Variants in AMDHD2 observed in about 807,000 individuals in gnomAD.
The protein encoded by AMDHD2 is N-acetylglucosamine-6-phosphate deacetylase.
In AMDHD2, 24 loss-of-function variants were observed where a neutral mutation model predicts 41.8. That is an observed-to-expected ratio of 0.57 (90% CI 0.42 to 0.81). The LOEUF (loss-of-function observed/expected upper bound fraction) is 0.81. Ranked by LOEUF, AMDHD2 falls within the 30% of genes least tolerant of loss-of-function variation. The probability of loss-of-function intolerance (pLI) is 0.00; values close to 1 mark genes in which losing one functional copy is unlikely to be tolerated. For missense variants in AMDHD2, 540 were observed against 588.5 expected (o/e 0.92, Z 0.85); for synonymous variants, 332 against 255.5 (o/e 1.30, Z -2.85).
intron 3 of AMDHD2, 134 bp downstream of exon 3, chr16:2,521,257 G>A (rs748733480): frequency 8.8e-5 from 107 of 1,221,948 alleles, no homozygotes; most frequent in Non-Finnish European, 9.3e-5. Context: ...TTGATGACCG[G>A]ATCTGGGCCT....
rs371264281 is a variant in AMDHD2 at position 2,527,934 on chromosome 16, A to G, written c.577A>G (p.Ser193Gly). Residue 193 changes from serine to glycine, a missense_variant, in exon 5 of 11, where the codon AGC (serine) becomes GGC (glycine). Ser to Gly is a moderately conservative substitution (Grantham distance 56). Coordinates refer to ENST00000293971, the MANE Select transcript of AMDHD2 (RefSeq NM_001330449.2). The surrounding 1 kb of genome is among the most constrained non-coding windows in gnomAD (Gnocchi z 6.1). ...IVTLAPELGR[S>G]HEVIRALTAR... Reference sequence around the variant, plus strand: ...GACGCTGGCCCCAGAGTTGGGCCGTAGCCACGAAGTGATCCGGGCGCTGAC... The same window carrying G: ...GACGCTGGCCCCAGAGTTGGGCCGTGGCCACGAAGTGATCCGGGCGCTGAC... The G allele has an allele frequency of 1.3e-5, 20 of 1,599,250 alleles. No individual in the cohort carries two copies. The highest frequency in any genetic ancestry group is 1.7e-5 in the Non-Finnish European group (20 of 1,178,888).
chr16:2,526,842 A>G (rs1327123192), intron 3 of AMDHD2, among the ~76,000 whole-genome samples: 1 of 152,148 alleles, frequency 6.6e-6, no homozygotes, highest in Admixed American at 6.5e-5. Context: ...AGGCAGGAGA[A>G]TCGCTTGAAC....
intron 9 of AMDHD2, 72 bp from the exon 10 acceptor site, chr16:2,528,921 CT>C: frequency 6.7e-7 from 1 of 1,494,310 alleles, no homozygotes; most frequent in Non-Finnish European, 9.0e-7. Flanking sequence ...ACAGGGAGTG[CT>C]GGTGTGGTTG....
In AMDHD2 at chr16:2,529,436, C is replaced by G. The variant is rs745356164; in HGVS notation, c.1142-39C>G. 15 of 1,604,112 alleles carry G rather than the reference C, an allele frequency of 9.4e-6. No individual in the cohort carries two copies. The African/African-American group carries it at 2.0e-4, about 21-fold the overall frequency. The stretch of plus-strand genomic sequence containing the variant: ...GCAGCTCTGGGGTAGGTGGGCGGCC[C>G]CACTCCTGCCCCCTACTCATTGCCC... On this transcript the variant is annotated intron_variant, in intron 10 of 10. Transcript: ENST00000293971.
intron 3 of AMDHD2, among the ~76,000 whole-genome samples, chr16:2,525,605 C>T (rs1356319073): frequency 1.3e-5 from 2 of 152,036 alleles, no homozygotes; most frequent in Admixed American, 6.6e-5. Context: ...AGTGCAGTGG[C>T]GCGATCTCGG....
Position 2,529,655 on chromosome 16 carries a change from GC to G in AMDHD2, c.*95del. 2 of 1,575,722 alleles carry G rather than the reference GC, an allele frequency of 1.3e-6. No individual in the cohort carries two copies. The highest frequency in any genetic ancestry group is 2.3e-5 in the East Asian group (1 of 43,714). On this transcript the variant is annotated 3_prime_UTR_variant, in exon 11 of 11. Transcript: ENST00000293971. ...CTGGTCTCCAGGGAGTGAGTCGGGA[GC>G]CCTGCTGGATTGATGCCCAGGGCCT...
In AMDHD2 at chr16:2,528,359, G is replaced by T; in HGVS notation, c.841G>T (p.Ala281Ser). The change falls in exon 7 of 11, where the codon GCC (alanine) becomes TCC (serine). Residue 281 changes from alanine (A) to serine (S), a missense_variant. Ala to Ser is a moderately conservative substitution (Grantham distance 99, BLOSUM62 1). Coordinates refer to ENST00000293971, the MANE Select transcript of AMDHD2 (RefSeq NM_001330449.2). ...THTNPAALRI[A>S]HRAHPQGLVL... ...CACCAACCCCGCCGCCCTGCGGATC[G>T]CCCACCGTGCCCATCCCCAGGGTAA... 4 of 1,612,844 alleles carry T rather than the reference G, an allele frequency of 2.5e-6. No homozygotes were observed. The highest frequency in any genetic ancestry group is 3.4e-6 in the Non-Finnish European group (4 of 1,179,936).
rs1343142378 is a variant in AMDHD2, at chr16:2,530,709, G to A, written c.*1146G>A. The A allele has an allele frequency of 1.9e-6, 3 of 1,613,936 alleles. No homozygotes were observed. Among genetic ancestry groups the A allele is most frequent in the African/African-American group, 2.7e-5 (2 of 74,938 alleles). The stretch of plus-strand genomic sequence containing the variant: ...TAGGATGGTCTGGGCCCCACCTGTT[G>A]GAAGGGAACAGCCAGGGAAGAACCA... On this transcript the variant is annotated 3_prime_UTR_variant, in exon 11 of 11. Coordinates refer to ENST00000293971, the MANE Select transcript of AMDHD2 (RefSeq NM_001330449.2).
chr16:2,531,111 C>G lies in AMDHD2; in HGVS notation c.*1548C>G, dbSNP rs534857231. ...CCCAGAGCTGGCATGTTGGTCATCC[C>G]CACCTCAGACGGGACGCCCAGTCCA... On this transcript the variant is annotated 3_prime_UTR_variant, in exon 11 of 11. Coordinates refer to ENST00000293971, the MANE Select transcript of AMDHD2 (RefSeq NM_001330449.2). 95 of 1,542,362 alleles carry G rather than the reference C, an allele frequency of 6.2e-5. No homozygotes were observed. The East Asian group carries it at 2.0e-3, about 33-fold the overall frequency.
rs2141916934 is a variant in AMDHD2, at chr16:2,530,639, C to T, written c.*1076C>T. ...TGGCTCTGCCACTGTTCTCTTCCCT[C>T]TGCTGCAAAGCCCAGTTAAGGAAAT... On this transcript the variant is annotated 3_prime_UTR_variant, in exon 11 of 11. Transcript: ENST00000293971. The T allele has an allele frequency of 6.2e-7, 1 of 1,614,222 alleles. No individual in the cohort carries two copies. The highest frequency in any genetic ancestry group is 8.5e-7 in the Non-Finnish European group (1 of 1,180,034).
chr16:2,528,908 GAGAC>G (rs1439499040), intron 9 of AMDHD2, 82 bp from the exon 10 acceptor site: 49 of 1,485,082 alleles, frequency 3.3e-5, no homozygotes, highest in Non-Finnish European at 4.4e-5. Flanking sequence ...CAGAGTCCCT[GAGAC>G]AGGGAGTGCT....
At chr16:2,521,224 C>G in intron 3 of AMDHD2, 101 bp downstream of exon 3, 1 of 1,388,880 alleles carries the variant, frequency 7.2e-7, no homozygotes, top group South Asian at 1.5e-5. Flanking sequence ...GCACGTATTC[C>G]ATGGTCCTGA....
chr16:2,525,835 C>G (rs148901588), intron 3 of AMDHD2, among the ~76,000 whole-genome samples: 2 of 152,094 alleles, frequency 1.3e-5, no homozygotes, highest in African/African-American at 4.8e-5. Flanking sequence ...TGAGCCACCG[C>G]GCCTGGCCAA....
intron 10 of AMDHD2, 143 bp downstream of exon 10, chr16:2,529,238 T>A: frequency 1.9e-6 from 2 of 1,062,710 alleles, no homozygotes; most frequent in Non-Finnish European, 2.6e-6. Context: ...CCAGCCTCAG[T>A]TGTAGCCCCG....
At position 2,530,572 on chromosome 16, in the gene AMDHD2, C is replaced by T. The variant is rs764108795; in HGVS notation, c.*1009C>T. 4 of 1,614,202 alleles carry T rather than the reference C, an allele frequency of 2.5e-6. No individual in the cohort carries two copies. In the South Asian group the frequency reaches 3.3e-5, roughly 13 times the overall value. Reference sequence around the variant, plus strand: ...TTCTGGGGTGGGTGGCTCCCTTCCCCCTTGCTTACAGGTGCTGTCCTGGGC... The same window carrying T: ...TTCTGGGGTGGGTGGCTCCCTTCCCTCTTGCTTACAGGTGCTGTCCTGGGC... On this transcript the variant is annotated 3_prime_UTR_variant, in exon 11 of 11. Transcript: ENST00000293971.
At chr16:2,522,404 C>T (rs1056027183) in intron 3 of AMDHD2, among the ~76,000 whole-genome samples, 2 of 151,952 alleles carry the variant, frequency 1.3e-5, no homozygotes, top group Admixed American at 6.6e-5. Flanking sequence ...CTTTTTCGGC[C>T]GGGCGCGGTG....
Position 2,528,444 on chromosome 16 carries a change from T to TC in AMDHD2, c.863-3dup, listed in dbSNP as rs776068084. On this transcript the variant is annotated splice_region_variant and splice_polypyrimidine_tract_variant and intron_variant, in intron 7 of 10. Transcript: ENST00000293971. ...GGGCTAGCAGGTTCTGAGCCTCTTCTCCCCCAGGGCTGGTGCTGGTCACCG... is the reference window on the plus strand; with the variant it reads ...GGGCTAGCAGGTTCTGAGCCTCTTCTCCCCCCAGGGCTGGTGCTGGTCACCG... 12 of 1,612,506 alleles carry TC rather than the reference T, an allele frequency of 7.4e-6. No homozygotes were observed. The African/African-American group carries it at 1.3e-4, about 18-fold the overall frequency.
intron 3 of AMDHD2, among the ~76,000 whole-genome samples, chr16:2,523,921 T>C (rs996057046): frequency 3.5e-4 from 54 of 152,364 alleles, no homozygotes; most frequent in African/African-American, 1.3e-3. Context: ...TGCCCCCCAC[T>C]GCCTGCGCAT....
rs770067439 is a variant in AMDHD2, at chr16:2,527,644, AC to A, written c.415+32del. On this transcript the variant is annotated intron_variant, in intron 4 of 10. Coordinates refer to ENST00000293971, the MANE Select transcript of AMDHD2 (RefSeq NM_001330449.2). The surrounding 1 kb of genome is among the most constrained non-coding windows in gnomAD (Gnocchi z 6.1). ...AGTGGCTGACCTCCTCCCCGCCCCC[AC>A]CCTGGGAGGCTCCTGCGGGACCTGT... is the stretch of plus-strand genomic sequence containing the variant. 6.3e-7 allele frequency: 1 copy of A among 1,596,996 alleles called. No homozygotes were observed. Among genetic ancestry groups the A allele is most frequent in the South Asian group, 1.1e-5 (1 of 88,898 alleles).
Sources: allele counts gnomAD v4.1 joint callset (sites outside exome capture counted in the v4.1 genomes callset), GRCh38; gene constraint gnomAD v4.1.1; non-coding constraint Gnocchi (gnomAD v3.1); transcripts MANE v1.5; gene names NCBI Gene and HGNC (gene_info 2026-07-23, HGNC 2026-07-21).